The following G3BP2 variants were observed in gnomAD, a reference collection of about 807,000 sequenced individuals.
The protein encoded by G3BP2 is ras GTPase-activating protein-binding protein 2.
In G3BP2, 11 loss-of-function variants were observed where a neutral mutation model predicts 56.7. The ratio of observed to expected loss-of-function variants is 0.19; its 90% CI spans 0.12 to 0.32. The LOEUF is 0.32. Ranked by LOEUF, G3BP2 falls within the 10% of genes least tolerant of loss-of-function variation. The pLI is 1.00. For missense variants in G3BP2, 340 were observed against 610.9 expected (o/e 0.56, Z 4.67); for synonymous variants, 165 against 191.6 (o/e 0.86, Z 1.15).
At chr4:75,659,046 A>T (rs985629323) in intron 2 of G3BP2, 122 bp from the exon 3 acceptor site, 2 of 763,772 alleles carry the variant, frequency 2.6e-6, no homozygotes, top group East Asian at 5.0e-5. Context: ...GTGATCTTGG[A>T]CAGGTAAGTT....
intron 1 of G3BP2, chr4:75,672,969 C>G (rs1733617137): frequency 1.0e-6 from 1 of 984,918 alleles, no homozygotes; most frequent in South Asian, 4.7e-5. Context: ...CCTCTGCCCG[C>G]AAGACGCTCG....
intron 3 of G3BP2, among the ~76,000 whole-genome samples, chr4:75,693,572 C>CCT (rs1019152842): frequency 3.2e-4 from 49 of 152,014 alleles, no homozygotes; most frequent in Middle Eastern, 3.4e-3. Context: ...GGGTGGATCA[C>CCT]GAGGTTAGGA....
chr4:75,688,229 G>A (rs1233639779), intron 3 of G3BP2, among the ~76,000 whole-genome samples: 1 of 151,972 alleles, frequency 6.6e-6, no homozygotes, highest in African/African-American at 2.4e-5. Flanking sequence ...TCTTAGTAGA[G>A]ATGGGGTTTT....
At chr4:75,718,481 C>A (rs1265927407) in intron 3 of G3BP2, among the ~76,000 whole-genome samples, 1 of 152,070 alleles carries the variant, frequency 6.6e-6, no homozygotes, top group Non-Finnish European at 1.5e-5. Flanking sequence ...TCAAAAAAAA[C>A]TGGCAAGCAG....
At chr4:75,692,270 T>A (rs2149082759) in intron 3 of G3BP2, among the ~76,000 whole-genome samples, 2 of 152,300 alleles carry the variant, frequency 1.3e-5, no homozygotes, top group South Asian at 2.1e-4. Context: ...ATCTGATCTC[T>A]GCCTTGGCTG....
At chr4:75,702,845 A>G (rs768869728) in intron 3 of G3BP2, among the ~76,000 whole-genome samples, 23 of 152,216 alleles carry the variant, frequency 1.5e-4, no homozygotes, top group Non-Finnish European at 2.9e-4. Flanking sequence ...CAATGTAAAT[A>G]TATCAACAGA....
At position 75,645,417 on chromosome 4, in the gene G3BP2, C is replaced by A. The variant is rs1731143451; in HGVS notation, c.*13G>T. 1 of 1,607,280 alleles carries A rather than the reference C, an allele frequency of 6.2e-7. No homozygotes were observed. The highest frequency in any genetic ancestry group is 1.7e-5 in the Admixed American group (1 of 58,936). On this transcript the variant is annotated 3_prime_UTR_variant, in exon 12 of 12. Coordinates refer to ENST00000359707, the MANE Select transcript of G3BP2 (RefSeq NM_203505.3). ...TAATGTACCACTGCCAAGACTTTGC[C>A]AACAGTGGAGCTTCAGCGACGCTGT...
intron 3 of G3BP2, among the ~76,000 whole-genome samples, chr4:75,699,789 A>C (rs995662004): frequency 6.6e-6 from 1 of 152,150 alleles, no homozygotes; most frequent in Admixed American, 6.6e-5. Context: ...CTATATTATT[A>C]TAATCCATAT....
chr4:75,676,333 A>G (rs1733874824), upstream of G3BP2, among the ~76,000 whole-genome samples: 1 of 143,334 alleles, frequency 7.0e-6, no homozygotes, highest in Admixed American at 7.6e-5. Context: ...CCAATTGCCA[A>G]TAATTTTTTT....
chr4:75,696,878 C>G (rs11097068), intron 3 of G3BP2, among the ~76,000 whole-genome samples: 1 of 151,896 alleles, frequency 6.6e-6, no homozygotes, highest in African/African-American at 2.4e-5. Context: ...AGATGCCCTA[C>G]AATACTCGAG....
At chr4:75,712,710 T>C (rs762358489) in intron 3 of G3BP2, among the ~76,000 whole-genome samples, 53 of 152,074 alleles carry the variant, frequency 3.5e-4, no homozygotes, top group South Asian at 4.1e-4. Context: ...TGAACAATTA[T>C]CTTGAACTAT....
intron 3 of G3BP2, among the ~76,000 whole-genome samples, chr4:75,718,350 A>G (rs1720011988): frequency 6.6e-6 from 1 of 151,716 alleles, no homozygotes; most frequent in South Asian, 2.1e-4. Context: ...TTGCTTGCTG[A>G]TTTAAGTACA....
intron 9 of G3BP2, among the ~76,000 whole-genome samples, chr4:75,647,834 A>T (rs1429181503): frequency 6.6e-6 from 1 of 152,216 alleles, no homozygotes; most frequent in African/African-American, 2.4e-5. Context: ...TGTAAATGTG[A>T]TATATACTAT....
intron 1 of G3BP2, chr4:75,670,311 T>G (rs1733385193): frequency 6.6e-6 from 1 of 152,220 alleles, no homozygotes; most frequent in Non-Finnish European, 1.5e-5. Context: ...TTTCTGAAAT[T>G]CCAGATGGTT....
chr4:75,665,656 A>AACACAC (rs368331407), intron 1 of G3BP2, among the ~76,000 whole-genome samples: 15 of 73,104 alleles, frequency 2.1e-4, no homozygotes, highest in African/African-American at 7.4e-4. Flanking sequence ...CACACAAACA[A>AACACAC]ACACACACAC....
chr4:75,671,999 T>C (rs546749830), intron 1 of G3BP2, among the ~76,000 whole-genome samples: 15 of 152,366 alleles, frequency 9.8e-5, no homozygotes, highest in African/African-American at 2.9e-4. Flanking sequence ...CGACAGTTAA[T>C]GTTTCCTAGA....
intron 3 of G3BP2, among the ~76,000 whole-genome samples, chr4:75,687,734 G>T (rs1718671724): frequency 6.6e-6 from 1 of 152,162 alleles, no homozygotes; most frequent in Admixed American, 6.5e-5. Context: ...CCCTGAGAGT[G>T]ACCCGTATGA....
chr4:75,673,433 C>G (rs1057278135), upstream of G3BP2: 2 of 1,232,308 alleles, frequency 1.6e-6, no homozygotes, highest in African/African-American at 1.5e-5. Context: ...TTGCCACCGC[C>G]CCCTCTTATT....
rs753177761 is a variant in G3BP2 at position 75,656,889 on chromosome 4, AC to A, written c.442+34del. ...TTAGTCCATAAAGAGTACCAACAGA[AC>A]CCTTCTATCTTCATATCTTCAAAGT... is the stretch of plus-strand genomic sequence containing the variant. On this transcript the variant is annotated intron_variant, in intron 5 of 11. Coordinates refer to ENST00000359707, the MANE Select transcript of G3BP2 (RefSeq NM_203505.3). The A allele has an allele frequency of 3.2e-6, 3 of 940,812 alleles. No individual in the cohort carries two copies. In the South Asian group the frequency reaches 4.1e-5, roughly 13 times the overall value. The allele number at this position is 940,812 out of a possible 1,614,324, so 58.3% of individuals were successfully genotyped here. A position where few individuals can be genotyped will look rare whatever the true frequency, so the allele number is the denominator to read the frequency against.
Sources: allele counts gnomAD v4.1 joint callset (sites outside exome capture counted in the v4.1 genomes callset), GRCh38; gene constraint gnomAD v4.1.1; transcripts MANE v1.5; gene names NCBI Gene and HGNC (gene_info 2026-07-23, HGNC 2026-07-21).